Variants in PTPRD observed in about 807,000 individuals in gnomAD.
The protein encoded by PTPRD is protein tyrosine phosphatase receptor type D, also known as receptor-type tyrosine-protein phosphatase delta.
PTPRD carries 34 observed loss-of-function variants against 214.5 expected under a neutral mutation model. The observed-to-expected ratio is 0.16, with a 90% confidence interval of 0.12 to 0.21. PTPRD has a LOEUF of 0.21. PTPRD is among the 10% of genes least tolerant of loss of function. PTPRD has a pLI of 1.00. For synonymous variants in PTPRD, 1,128 were observed against 845.7 expected, an observed-to-expected ratio of 1.33 and a Z score of -5.79; for missense variants, 2,545 against 2,398.7, an observed-to-expected ratio of 1.06 and a Z score of -1.27.
chr9:8,884,195 G>A (rs1050094796), intron 11 of PTPRD, among the ~76,000 whole-genome samples: 4 of 152,192 alleles, frequency 2.6e-5, no homozygotes, highest in African/African-American at 9.6e-5. Flanking sequence ...CCAGCACTGA[G>A]AGAATGGCTA....
chr9:9,105,179 A>T (rs1459752345), intron 10 of PTPRD, among the ~76,000 whole-genome samples: 1 of 152,188 alleles, frequency 6.6e-6, no homozygotes. Flanking sequence ...TGATGAGGAA[A>T]AAGTGGCCCT....
intron 11 of PTPRD, among the ~76,000 whole-genome samples, chr9:8,936,638 C>T (rs1434836203): frequency 2.6e-5 from 4 of 152,022 alleles, no homozygotes; most frequent in African/African-American, 9.7e-5. Flanking sequence ...GAAACAATCA[C>T]TACATAGGAA....
chr9:9,969,787 CA>C (rs1176227612), intron 4 of PTPRD, among the ~76,000 whole-genome samples: 2 of 152,170 alleles, frequency 1.3e-5, no homozygotes, highest in African/African-American at 4.8e-5. Context: ...TTTGCAATAG[CA>C]AAAGATTTCA....
At chr9:9,049,636 T>C (rs1161569907) in intron 10 of PTPRD, among the ~76,000 whole-genome samples, 5 of 151,904 alleles carry the variant, frequency 3.3e-5, no homozygotes, top group Admixed American at 6.6e-5. Context: ...CTATGAGGAG[T>C]GGGCATTTGA....
At chr9:9,077,451 G>C (rs567246241) in intron 10 of PTPRD, among the ~76,000 whole-genome samples, 15 of 151,942 alleles carry the variant, frequency 9.9e-5, no homozygotes, top group Non-Finnish European at 1.8e-4. Flanking sequence ...TGCTAACTTT[G>C]GTGATTTTTA....
chr9:8,362,483 G>A (rs1382003811), intron 39 of PTPRD, among the ~76,000 whole-genome samples: 1 of 152,156 alleles, frequency 6.6e-6, no homozygotes, highest in Non-Finnish European at 1.5e-5. Context: ...ATTGGTTATG[G>A]TTTTTCAAAT....
At chr9:9,348,951 T>C (rs1347658667) in intron 9 of PTPRD, among the ~76,000 whole-genome samples, 1 of 152,116 alleles carries the variant, frequency 6.6e-6, no homozygotes, top group African/African-American at 2.4e-5. Context: ...ACTAAACCTA[T>C]TTTAATAGGA....
At chr9:9,817,801 A>G (rs2049262225) in intron 5 of PTPRD, among the ~76,000 whole-genome samples, 1 of 152,200 alleles carries the variant, frequency 6.6e-6, no homozygotes, top group South Asian at 2.1e-4. Flanking sequence ...AAAAAGTCAC[A>G]GGCTTTTAAA....
chr9:9,735,622 A>G lies in PTPRD; in HGVS notation c.-325-1051T>C, dbSNP rs551483041. Among the ~76,000 whole-genome samples the G allele has an allele frequency of 6.6e-4, 101 of 152,120 alleles. 1 individual carries two copies. Among genetic ancestry groups the G allele is most frequent in the Non-Finnish European group, 1.2e-3 (83 of 67,968 alleles). Reference sequence around the variant, plus strand: ...CAAATCATCCCGAAGGAAGCTATTAATATTCCTTCTCTAGTGTCTAAAATC... The same window carrying G: ...CAAATCATCCCGAAGGAAGCTATTAGTATTCCTTCTCTAGTGTCTAAAATC... On this transcript the variant is annotated intron_variant, in intron 6 of 45. Transcript: ENST00000381196.
At chr9:9,554,669 C>G (rs2081091662) in intron 8 of PTPRD, among the ~76,000 whole-genome samples, 1 of 151,998 alleles carries the variant, frequency 6.6e-6, no homozygotes, top group Admixed American at 6.6e-5. Flanking sequence ...CATTAGAATT[C>G]AACTCCAGTG....
chr9:9,783,076 T>C (rs1031424398), intron 5 of PTPRD, among the ~76,000 whole-genome samples: 1 of 152,200 alleles, frequency 6.6e-6, no homozygotes, highest in African/African-American at 2.4e-5. Flanking sequence ...TCTTCCAAGA[T>C]TATCAGTGAT....
At position 8,885,281 on chromosome 9, in the gene PTPRD, A is replaced by G. The variant is rs980447573; in HGVS notation, c.-104+133416T>C. On this transcript the variant is annotated intron_variant, in intron 11 of 45. Coordinates refer to ENST00000381196, the MANE Select transcript of PTPRD (RefSeq NM_002839.4). ...TTTATAGATGAGGATTAGGGTGACC[A>G]ATCATCCATTTTCCTGGGACTAAGG... 1.4e-4 allele frequency among the ~76,000 whole-genome samples: 22 copies of G among 152,196 alleles called. No homozygotes were observed. In the South Asian group the frequency reaches 4.4e-3, roughly 30 times the overall value.
intron 11 of PTPRD, among the ~76,000 whole-genome samples, chr9:8,898,375 C>A (rs1356457518): frequency 1.3e-5 from 2 of 152,014 alleles, no homozygotes; most frequent in African/African-American, 4.8e-5. Context: ...GTGATGGTGG[C>A]AGAGGAAAAC....
chr9:10,036,123 C>G (rs1045472504), intron 3 of PTPRD, among the ~76,000 whole-genome samples: 1 of 152,026 alleles, frequency 6.6e-6, no homozygotes, highest in East Asian at 1.9e-4. Flanking sequence ...CAAATAAACG[C>G]AGTATTAGGT....
At chr9:8,742,605 G>A (rs1210286198) in intron 11 of PTPRD, among the ~76,000 whole-genome samples, 2 of 151,916 alleles carry the variant, frequency 1.3e-5, no homozygotes, top group Non-Finnish European at 2.9e-5. Context: ...GAAAAGTCTG[G>A]CAATACATAT....
At chr9:8,491,759 C>T (rs998508864) in intron 27 of PTPRD, among the ~76,000 whole-genome samples, 7 of 151,536 alleles carry the variant, frequency 4.6e-5, no homozygotes, top group African/African-American at 1.5e-4. Flanking sequence ...AGGATGCGAG[C>T]GAGGCAAATC....
chr9:9,445,589 A>T (rs1386386329), intron 8 of PTPRD, among the ~76,000 whole-genome samples: 2 of 152,158 alleles, frequency 1.3e-5, no homozygotes, highest in South Asian at 4.1e-4. Flanking sequence ...TTCACATGGC[A>T]GCAGGAAGGA....
At chr9:10,134,557 G>A (rs965909575) in intron 3 of PTPRD, among the ~76,000 whole-genome samples, 7 of 151,960 alleles carry the variant, frequency 4.6e-5, no homozygotes, top group Admixed American at 6.6e-5. Context: ...TTTCCAGCAC[G>A]CTTCATCTGT....
intron 14 of PTPRD, among the ~76,000 whole-genome samples, chr9:8,574,537 G>C (rs2091951340): frequency 6.6e-6 from 1 of 151,984 alleles, no homozygotes; most frequent in Non-Finnish European, 1.5e-5. Flanking sequence ...CACCTAGGTG[G>C]TATATATAGC....
Sources: allele counts gnomAD v4.1 joint callset (sites outside exome capture counted in the v4.1 genomes callset), GRCh38; gene constraint gnomAD v4.1.1; transcripts MANE v1.5; gene names NCBI Gene and HGNC (gene_info 2026-07-23, HGNC 2026-07-21).